Variants in MOB4 observed in about 807,000 individuals in gnomAD.
MOB4 encodes the protein MOB-like protein phocein.
MOB4 carries 4 observed loss-of-function variants against 32.2 expected under a neutral mutation model. The observed-to-expected ratio is 0.12, with a 90% confidence interval of 0.06 to 0.28. MOB4 has a LOEUF of 0.28. Ranked by LOEUF, MOB4 falls within the 10% of genes least tolerant of loss-of-function variation. The probability of loss-of-function intolerance (pLI) is 1.00; values close to 1 mark genes in which losing one functional copy is unlikely to be tolerated. For synonymous variants in MOB4, 88 were observed against 88.1 expected (o/e 1.00, Z 0.01); for missense variants, 158 against 271.2 (o/e 0.58, Z 2.93).
intron 1 of MOB4, 67 bp downstream of exon 1, chr2:197,516,213 C>T: frequency 7.8e-6 from 12 of 1,543,466 alleles, no homozygotes; most frequent in Non-Finnish European, 1.0e-5. Context: ...GGAAGCTGGC[C>T]GCCACTGCGG....
At chr2:197,519,843 C>T (rs898262989) in intron 1 of MOB4, among the ~76,000 whole-genome samples, 1 of 152,040 alleles carries the variant, frequency 6.6e-6, no homozygotes, top group African/African-American at 2.4e-5. Flanking sequence ...TTGGTAGAAA[C>T]TTTAGATCAT....
In MOB4 at chr2:197,540,371, T is replaced by G; in HGVS notation, c.288T>G (p.Thr96=). ...AACAGAGTGAATGCCATCCAGATAC[T>G]TGCACTCAAATGACAGCAACTGAAC... The part of the protein sequence containing the change: ...VKLQSECHPD[T]CTQMTATEQW... Residue 96 remains threonine (T), a synonymous_variant, in exon 5 of 8, where the codon ACT becomes ACG. Coordinates refer to ENST00000323303, the MANE Select transcript of MOB4 (RefSeq NM_015387.5). 6.3e-7 allele frequency: 1 copy of G among 1,588,268 alleles called. No homozygotes were observed. Among genetic ancestry groups the G allele is most frequent in the Non-Finnish European group, 8.5e-7 (1 of 1,170,926 alleles).
chr2:197,552,004 T>TTGAAG lies in MOB4; in HGVS notation c.*1359_*1363dup, dbSNP rs1553592979. 6.6e-6 allele frequency: 1 copy of TTGAAG among 151,568 alleles called. No homozygotes were observed. Among genetic ancestry groups the TTGAAG allele is most frequent in the Non-Finnish European group, 1.5e-5 (1 of 67,802 alleles). 9.4% of individuals were successfully genotyped at this position (151,568 alleles called of 1,614,324 possible). A position where few individuals can be genotyped will look rare whatever the true frequency, so the allele number is the denominator to read the frequency against. ...AACTTTTTTATTTAGAAGGATAATTTTGAAGATGAAAATGTATTCATCTTA... is the reference window on the plus strand; with the variant it reads ...AACTTTTTTATTTAGAAGGATAATTTTGAAGTGAAGATGAAAATGTATTCATCTTA... On this transcript the variant is annotated 3_prime_UTR_variant, in exon 8 of 8. Coordinates refer to ENST00000323303, the MANE Select transcript of MOB4 (RefSeq NM_015387.5).
chr2:197,528,980 T>G (rs1022969144), intron 2 of MOB4, among the ~76,000 whole-genome samples: 1 of 151,220 alleles, frequency 6.6e-6, no homozygotes, highest in African/African-American at 2.4e-5. Context: ...TTTTTTTTTT[T>G]AGACAGAGTC....
intron 2 of MOB4, among the ~76,000 whole-genome samples, chr2:197,527,216 A>T (rs1308936379): frequency 1.3e-5 from 2 of 152,264 alleles, no homozygotes; most frequent in East Asian, 3.9e-4. Flanking sequence ...ATTGCCTCGT[A>T]TCTCTAGATT....
In MOB4 at chr2:197,535,510, A is replaced by G. The variant is rs781000268; in HGVS notation, c.124-20A>G. ...CAGGTGATATAATTTAATTAACCAT[A>G]AGAACTTCTTTGTTTTTAGTATATT... On this transcript the variant is annotated intron_variant, in intron 2 of 7. Coordinates refer to ENST00000323303, the MANE Select transcript of MOB4 (RefSeq NM_015387.5). 3.5e-5 allele frequency: 55 copies of G among 1,574,570 alleles called. No homozygotes were observed. The highest frequency in any genetic ancestry group is 4.2e-5 in the Non-Finnish European group (49 of 1,164,458).
Position 197,523,614 on chromosome 2 carries a change from AT to A in MOB4, c.61-5del. 6.2e-7 allele frequency: 1 copy of A among 1,607,334 alleles called. No homozygotes were observed. The highest frequency in any genetic ancestry group is 1.1e-5 in the South Asian group (1 of 89,036). On this transcript the variant is annotated splice_polypyrimidine_tract_variant and intron_variant, in intron 1 of 7. Coordinates refer to ENST00000323303, the MANE Select transcript of MOB4 (RefSeq NM_015387.5). ...TTGTATGTGCTTTAACCGTGAATTT[AT>A]TTTTATAGGATTTCTATAATTGGCC...
chr2:197,543,639 T>TA (rs1206234382), intron 5 of MOB4, among the ~76,000 whole-genome samples: 1 of 152,236 alleles, frequency 6.6e-6, no homozygotes, highest in Admixed American at 6.5e-5. Flanking sequence ...GCATTCCACT[T>TA]ATCTAGAGTG....
intron 5 of MOB4, among the ~76,000 whole-genome samples, chr2:197,545,546 T>TA (rs2086979095): frequency 6.6e-6 from 1 of 152,168 alleles, no homozygotes; most frequent in African/African-American, 2.4e-5. Context: ...GGGAGAAACA[T>TA]ACAGTACGGC....
intron 5 of MOB4, among the ~76,000 whole-genome samples, chr2:197,542,157 T>C (rs1165277444): frequency 6.6e-6 from 1 of 152,264 alleles, no homozygotes; most frequent in Non-Finnish European, 1.5e-5. Flanking sequence ...TTGTGATGTG[T>C]TATGACTCTT....
intron 1 of MOB4, 126 bp downstream of exon 1, chr2:197,516,272 G>A: frequency 1.4e-6 from 2 of 1,466,790 alleles, no homozygotes; most frequent in Non-Finnish European, 1.8e-6. Context: ...ACTGGTGCCC[G>A]GCCTGCTCTT....
intron 2 of MOB4, among the ~76,000 whole-genome samples, chr2:197,531,432 A>G (rs1024517717): frequency 2.0e-5 from 3 of 152,072 alleles, no homozygotes; most frequent in Admixed American, 6.6e-5. Context: ...GAACTTTTTC[A>G]TCTTCCCCAA....
At position 197,553,615 on chromosome 2, in the gene MOB4, TGA is replaced by T; in HGVS notation, c.*2970_*2971del. 6.6e-6 allele frequency: 1 copy of T among 152,244 alleles called. No homozygotes were observed. Among genetic ancestry groups the T allele is most frequent in the Non-Finnish European group, 1.5e-5 (1 of 68,040 alleles). 9.4% of individuals were successfully genotyped at this position (152,244 alleles called of 1,614,324 possible). A position where few individuals can be genotyped will look rare whatever the true frequency, so the allele number is the denominator to read the frequency against. On this transcript the variant is annotated 3_prime_UTR_variant, in exon 8 of 8. Coordinates refer to ENST00000323303, the MANE Select transcript of MOB4 (RefSeq NM_015387.5). ...TTTAAATTGTATATACTTTATTTTG[TGA>T]ATCCTTGTTGAATGTGCTAAAGGTT... is the stretch of plus-strand genomic sequence containing the variant.
chr2:197,553,527 G>GT lies in MOB4; in HGVS notation c.*2887dup, dbSNP rs1272722677. 6.6e-6 allele frequency: 1 copy of GT among 152,154 alleles called. No homozygotes were observed. Among genetic ancestry groups the GT allele is most frequent in the African/African-American group, 2.4e-5 (1 of 41,442 alleles). The allele number at this position is 152,154 out of a possible 1,614,324, so 9.4% of individuals were successfully genotyped here. ...AAATTCACTGTAATAGTAGAACTAA[G>GT]TTTTTTATGTGAGTACTTTGCCCTA... On this transcript the variant is annotated 3_prime_UTR_variant, in exon 8 of 8. Coordinates refer to ENST00000323303, the MANE Select transcript of MOB4 (RefSeq NM_015387.5).
intron 5 of MOB4, among the ~76,000 whole-genome samples, chr2:197,546,419 C>A (rs188775842): frequency 6.6e-6 from 1 of 151,760 alleles, no homozygotes; most frequent in Admixed American, 6.6e-5. Flanking sequence ...TTTTTTGAGA[C>A]GAAATCTTAC....
At chr2:197,516,043 C>G, upstream of MOB4, 1 of 1,549,186 alleles carries the variant, frequency 6.5e-7, no homozygotes, top group Non-Finnish European at 8.7e-7. Flanking sequence ...AGGCTGCCGT[C>G]CCTACATCCG....
intron 3 of MOB4, among the ~76,000 whole-genome samples, chr2:197,539,788 G>T (rs1156330127): frequency 1.3e-5 from 2 of 152,134 alleles, no homozygotes; most frequent in African/African-American, 4.8e-5. Context: ...TTAGAAGAAT[G>T]ACTTAGTCGA....
rs1362982890 is a variant in MOB4, at chr2:197,550,835, G to A, written c.*189G>A. ...TCATAAGCTGTATATTCACCAGTGT[G>A]GCACTCATGGTTTTTAAATAAGATT... On this transcript the variant is annotated 3_prime_UTR_variant, in exon 8 of 8. Transcript: ENST00000323303. 4.0e-6 allele frequency: 2 copies of A among 494,110 alleles called. No homozygotes were observed. Among genetic ancestry groups the A allele is most frequent in the Non-Finnish European group, 6.1e-6 (2 of 326,594 alleles). The allele number at this position is 494,110 out of a possible 1,614,324, so 30.6% of individuals were successfully genotyped here.
intron 2 of MOB4, among the ~76,000 whole-genome samples, chr2:197,528,616 C>CTTTTTT (rs60927398): frequency 1.2e-3 from 156 of 131,628 alleles, no homozygotes; most frequent in South Asian, 1.4e-3. Flanking sequence ...TTTTCTTTTT[C>CTTTTTT]TTTTTTTTTT....
Sources: allele counts gnomAD v4.1 joint callset (sites outside exome capture counted in the v4.1 genomes callset), GRCh38; gene constraint gnomAD v4.1.1; transcripts MANE v1.5; gene names NCBI Gene and HGNC (gene_info 2026-07-23, HGNC 2026-07-21).